The following USH2A variants were observed in gnomAD, a reference collection of about 807,000 sequenced individuals.
USH2A encodes Usher syndrome 2A (autosomal recessive, mild).
USH2A carries 443 observed loss-of-function variants against 538.9 expected under a neutral mutation model. The ratio of observed to expected loss-of-function variants is 0.82; its 90% CI spans 0.76 to 0.89. USH2A has a LOEUF of 0.89. Among genes scored for constraint, USH2A ranks in the 40% least tolerant of loss-of-function variants. USH2A has a pLI of 0.00. For missense variants in USH2A, 6,633 were observed against 6,324.8 expected (o/e 1.05, Z -1.65); for synonymous variants, 2,413 against 2,273.5 (o/e 1.06, Z -1.75).
At chr1:216,312,172 A>ATT (rs201862708) in intron 9 of USH2A, among the ~76,000 whole-genome samples, 41 of 145,956 alleles carry the variant, frequency 2.8e-4, no homozygotes, top group African/African-American at 7.2e-4. Context: ...TTCTAGGTGG[A>ATT]TTTTTTTTTT....
intron 54 of USH2A, among the ~76,000 whole-genome samples, chr1:215,780,495 A>T (rs1030631012): frequency 6.6e-6 from 1 of 152,252 alleles, no homozygotes; most frequent in Non-Finnish European, 1.5e-5. Context: ...TGAACAGAAT[A>T]AATGGGCAGA....
chr1:216,096,482 A>C (rs1334977712), intron 22 of USH2A, among the ~76,000 whole-genome samples: 1 of 152,230 alleles, frequency 6.6e-6, no homozygotes, highest in African/African-American at 2.4e-5. Flanking sequence ...GTTAAATATC[A>C]CATTTCCAGA....
At chr1:216,113,287 A>C (rs1427518600) in intron 21 of USH2A, among the ~76,000 whole-genome samples, 1 of 152,102 alleles carries the variant, frequency 6.6e-6, no homozygotes, top group Non-Finnish European at 1.5e-5. Flanking sequence ...TGATCTCTAA[A>C]ATCTGTGGTA....
chr1:216,008,980 T>C (rs1210757288), intron 32 of USH2A, among the ~76,000 whole-genome samples: 2 of 151,900 alleles, frequency 1.3e-5, no homozygotes, highest in East Asian at 3.9e-4. Context: ...CAACCTCTTC[T>C]CCTTCACCCT....
Position 216,101,045 on chromosome 1 carries a change from T to C in USH2A, c.4628-3832A>G, listed in dbSNP as rs368854611. The stretch of plus-strand genomic sequence containing the variant: ...TTCCCACAGCATTTTCCAAATAATT[T>C]AATCTTCTCATTTTTCTCTTTACAC... On this transcript the variant is annotated intron_variant, in intron 21 of 71. Transcript: ENST00000307340. Among the ~76,000 whole-genome samples the C allele has an allele frequency of 7.9e-5, 12 of 152,280 alleles. 1 individual carries two copies. The highest frequency in any genetic ancestry group is 2.0e-4 in the Admixed American group (3 of 15,288).
intron 64 of USH2A, among the ~76,000 whole-genome samples, chr1:215,666,260 A>G (rs566064468): frequency 1.6e-4 from 24 of 151,532 alleles, no homozygotes; most frequent in Admixed American, 1.3e-3. Flanking sequence ...TAAAACAACA[A>G]TAACAAAATC....
chr1:216,293,074 G>C (rs899209586), intron 9 of USH2A, among the ~76,000 whole-genome samples: 15 of 148,516 alleles, frequency 1.0e-4, no homozygotes, highest in African/African-American at 3.5e-4. Context: ...CCCCAGGCTG[G>C]AGTGCAGTGG....
chr1:216,319,365 C>T (rs906579966), intron 9 of USH2A, among the ~76,000 whole-genome samples: 10 of 152,052 alleles, frequency 6.6e-5, no homozygotes, highest in African/African-American at 2.4e-4. Flanking sequence ...CAAGTTAATC[C>T]AATTAATTTC....
intron 36 of USH2A, among the ~76,000 whole-genome samples, chr1:215,969,692 G>A (rs988792593): frequency 3.3e-5 from 5 of 152,152 alleles, no homozygotes; most frequent in Middle Eastern, 6.8e-3. Flanking sequence ...GATGGTGTTA[G>A]CTGCTTGGAA....
chr1:216,092,639 T>C (rs563493346), intron 22 of USH2A, among the ~76,000 whole-genome samples: 41 of 152,280 alleles, frequency 2.7e-4, no homozygotes, highest in African/African-American at 9.4e-4. Context: ...TCATTATAAA[T>C]TTAGAAAATA....
rs531735791 is a variant in USH2A at position 216,147,286 on chromosome 1, T to C, written c.4627+27966A>G. On this transcript the variant is annotated intron_variant, in intron 21 of 71. Transcript: ENST00000307340. Reference sequence around the variant, plus strand: ...CCTCAGCCTCTGCTCCTCCACCCTATAATCTTTTTATCACCTCCCCTCCTC... The same window carrying C: ...CCTCAGCCTCTGCTCCTCCACCCTACAATCTTTTTATCACCTCCCCTCCTC... 9.9e-3 allele frequency among the ~76,000 whole-genome samples: 1,500 copies of C among 152,132 alleles called. 15 individuals are homozygous for C. Among genetic ancestry groups the C allele is most frequent in the Non-Finnish European group, 0.017 (1,158 of 68,008 alleles).
intron 58 of USH2A, among the ~76,000 whole-genome samples, chr1:215,750,867 A>C (rs547945954): frequency 1.3e-5 from 2 of 152,182 alleles, no homozygotes; most frequent in Non-Finnish European, 2.9e-5. Context: ...TATTATGAAC[A>C]CTAAATGAGA....
intron 38 of USH2A, among the ~76,000 whole-genome samples, chr1:215,905,466 T>C (rs1202151463): frequency 6.6e-6 from 1 of 152,040 alleles, no homozygotes; most frequent in Non-Finnish European, 1.5e-5. Flanking sequence ...AAGGGCAGAA[T>C]AGGTAGAAGG....
At chr1:216,237,719 A>C (rs1042125747) in intron 13 of USH2A, among the ~76,000 whole-genome samples, 1 of 152,186 alleles carries the variant, frequency 6.6e-6, no homozygotes, top group Non-Finnish European at 1.5e-5. Flanking sequence ...AGCCTGGCAC[A>C]CAGCGGACTC....
intron 27 of USH2A, among the ~76,000 whole-genome samples, chr1:216,074,754 A>G (rs1197208124): frequency 6.6e-6 from 1 of 152,144 alleles, no homozygotes; most frequent in African/African-American, 2.4e-5. Flanking sequence ...TAATTTTCTG[A>G]TGGCACATAA....
At chr1:215,843,818 ATG>A (rs145800596) in intron 46 of USH2A, among the ~76,000 whole-genome samples, 1 of 152,324 alleles carries the variant, frequency 6.6e-6, no homozygotes, top group East Asian at 1.9e-4. Context: ...GGTGGCTAGA[ATG>A]TTTTAAGACA....
intron 30 of USH2A, among the ~76,000 whole-genome samples, chr1:216,051,093 A>T (rs1571918097): frequency 6.6e-6 from 1 of 151,738 alleles, no homozygotes; most frequent in Non-Finnish European, 1.5e-5. Context: ...TCTCTTAAAT[A>T]GCTTTTGTTT....
intron 37 of USH2A, among the ~76,000 whole-genome samples, chr1:215,935,225 T>C (rs1444582478): frequency 6.6e-6 from 1 of 152,034 alleles, no homozygotes; most frequent in East Asian, 1.9e-4. Context: ...ACATTATTCC[T>C]CAAATAGAAT....
chr1:216,367,875 C>G (rs1414673641), intron 3 of USH2A, among the ~76,000 whole-genome samples: 1 of 152,268 alleles, frequency 6.6e-6, no homozygotes, highest in Non-Finnish European at 1.5e-5. Context: ...GGAATACATA[C>G]AATGGAATTT....
Sources: allele counts gnomAD v4.1 joint callset (sites outside exome capture counted in the v4.1 genomes callset), GRCh38; gene constraint gnomAD v4.1.1; transcripts MANE v1.5; gene names NCBI Gene and HGNC (gene_info 2026-07-23, HGNC 2026-07-21).